Variants in GLIS3 observed in about 807,000 individuals in gnomAD.
The protein encoded by GLIS3 is zinc finger protein GLIS3.
In GLIS3, 53 loss-of-function variants were observed where a neutral mutation model predicts 78.6. The ratio of observed to expected loss-of-function variants is 0.67; its 90% CI spans 0.54 to 0.85. GLIS3 has a LOEUF of 0.85. Ranked by LOEUF, GLIS3 falls within the 40% of genes least tolerant of loss-of-function variation. The pLI, the probability that GLIS3 is intolerant of heterozygous loss-of-function variation, is 0.00. For synonymous variants in GLIS3, 684 were observed against 509.9 expected (o/e 1.34, Z -4.60); for missense variants, 1,703 against 1,231.1 (o/e 1.38, Z -5.74).
chr9:4,023,410 G>A (rs1041196731), intron 4 of GLIS3, among the ~76,000 whole-genome samples: 11 of 152,144 alleles, frequency 7.2e-5, no homozygotes, highest in African/African-American at 2.7e-4. Flanking sequence ...GAGTGAGCCT[G>A]CTAGCTTGGC....
At chr9:4,116,202 T>G (rs1342613831) in intron 4 of GLIS3, among the ~76,000 whole-genome samples, 1 of 152,228 alleles carries the variant, frequency 6.6e-6, no homozygotes, top group East Asian at 1.9e-4. Flanking sequence ...CAGTGAACTA[T>G]TTTCAGCCAG....
At chr9:3,918,650 G>C (rs1824674813) in intron 6 of GLIS3, among the ~76,000 whole-genome samples, 1 of 152,130 alleles carries the variant, frequency 6.6e-6, no homozygotes, top group Non-Finnish European at 1.5e-5. Flanking sequence ...TGAAACTGTG[G>C]CAGGCTAACT....
At chr9:3,848,371 G>A (rs759511961) in intron 9 of GLIS3, among the ~76,000 whole-genome samples, 6 of 152,034 alleles carry the variant, frequency 3.9e-5, no homozygotes, top group Admixed American at 2.6e-4. Context: ...GCGTGGTGGC[G>A]CATGCCTGTA....
At chr9:4,258,997 C>G (rs1825245463) in intron 2 of GLIS3, among the ~76,000 whole-genome samples, 1 of 152,140 alleles carries the variant, frequency 6.6e-6, no homozygotes, top group African/African-American at 2.4e-5. Flanking sequence ...CCATTTTACT[C>G]CAGAAACGCC....
At chr9:4,319,274 G>T (rs961235416) in intron 2 of GLIS3, among the ~76,000 whole-genome samples, 5 of 152,036 alleles carry the variant, frequency 3.3e-5, no homozygotes, top group Admixed American at 6.5e-5. Context: ...GTACTTAGGG[G>T]CAACATTCTA....
chr9:4,049,600 CAT>C (rs1226949605), intron 4 of GLIS3, among the ~76,000 whole-genome samples: 2 of 152,178 alleles, frequency 1.3e-5, no homozygotes, highest in Non-Finnish European at 2.9e-5. Flanking sequence ...CTTGCGCACA[CAT>C]AGGAATAAGC....
intron 2 of GLIS3, among the ~76,000 whole-genome samples, chr9:4,218,525 G>T (rs12346817): frequency 0.13 from 20,426 of 152,072 alleles, 1,480 homozygotes; most frequent in African/African-American, 0.17. Context: ...TGATCTGCCT[G>T]CCTTGGCCTC....
chr9:4,027,135 C>G (rs1030727426), intron 4 of GLIS3, among the ~76,000 whole-genome samples: 19 of 152,220 alleles, frequency 1.2e-4, no homozygotes, highest in African/African-American at 4.6e-4. Flanking sequence ...GCAGTGTAAT[C>G]AGTTCCACTC....
chr9:4,339,399 G>C (rs1021520295), intron 2 of GLIS3, among the ~76,000 whole-genome samples: 4 of 152,168 alleles, frequency 2.6e-5, no homozygotes, highest in African/African-American at 9.7e-5. Context: ...ATTTGCTCCT[G>C]TTTAAGTTAA....
chr9:3,952,116 A>G (rs979459312), intron 4 of GLIS3, among the ~76,000 whole-genome samples: 2 of 152,148 alleles, frequency 1.3e-5, no homozygotes, highest in Admixed American at 6.5e-5. Context: ...GCCTATTTAC[A>G]GCTTCTGTTT....
chr9:4,400,131 G>C, the GLIS3 span, among the ~76,000 whole-genome samples: 4 of 152,172 alleles, frequency 2.6e-5, no homozygotes, highest in African/African-American at 7.2e-5. Flanking sequence ...CAACACAGGA[G>C]GTACATGTGT....
At chr9:4,208,330 A>G (rs1207692079) in intron 2 of GLIS3, among the ~76,000 whole-genome samples, 1 of 152,226 alleles carries the variant, frequency 6.6e-6, no homozygotes, top group Non-Finnish European at 1.5e-5. Flanking sequence ...TCGAGACTGC[A>G]ATGGCCACAA....
At chr9:4,020,483 A>C (rs955610601) in intron 4 of GLIS3, among the ~76,000 whole-genome samples, 2 of 152,042 alleles carry the variant, frequency 1.3e-5, no homozygotes, top group Non-Finnish European at 2.9e-5. Context: ...AATTTGAAAA[A>C]ATTTCACCAA....
At chr9:4,112,972 C>A (rs1371000998) in intron 4 of GLIS3, among the ~76,000 whole-genome samples, 2 of 151,986 alleles carry the variant, frequency 1.3e-5, no homozygotes, top group Non-Finnish European at 2.9e-5. Context: ...TTACTAGTTA[C>A]CCTGCCCCCA....
chr9:3,894,841 CCTT>C (rs990008148), intron 7 of GLIS3, among the ~76,000 whole-genome samples: 7 of 152,070 alleles, frequency 4.6e-5, no homozygotes, highest in South Asian at 2.1e-4. Context: ...AATAAAATTC[CCTT>C]CTTCTCGTAG....
the GLIS3 span, among the ~76,000 whole-genome samples, chr9:4,379,038 T>G: frequency 6.6e-6 from 1 of 152,164 alleles, no homozygotes; most frequent in East Asian, 1.9e-4. Context: ...CTCCGTGCTG[T>G]TTTCAAGTGC....
the GLIS3 span, among the ~76,000 whole-genome samples, chr9:4,374,947 G>C: frequency 5.9e-5 from 9 of 152,152 alleles, no homozygotes; most frequent in African/African-American, 1.4e-4. Context: ...TTATTCTGCA[G>C]CTTGCTATTT....
the GLIS3 span, among the ~76,000 whole-genome samples, chr9:4,363,722 G>C: frequency 2.0e-5 from 3 of 152,122 alleles, no homozygotes; most frequent in Non-Finnish European, 2.9e-5. Flanking sequence ...ACTGGTTCAC[G>C]TCTTTGCTCT....
the GLIS3 span, among the ~76,000 whole-genome samples, chr9:4,465,864 TA>T: frequency 2.0e-5 from 3 of 152,208 alleles, no homozygotes; most frequent in Admixed American, 6.5e-5. Context: ...CCAGAAAACA[TA>T]ATTTAAAAAT....
Sources: allele counts gnomAD v4.1 joint callset (sites outside exome capture counted in the v4.1 genomes callset), GRCh38; gene constraint gnomAD v4.1.1; transcripts MANE v1.5; gene names NCBI Gene and HGNC (gene_info 2026-07-23, HGNC 2026-07-21).